TRPM3: variants seen among roughly 807,000 people sequenced by gnomAD.
TRPM3 encodes transient receptor potential cation channel subfamily M member 3, also known as long transient receptor potential channel 3.
TRPM3 carries 77 observed loss-of-function variants against 181.2 expected under a neutral mutation model. The ratio of observed to expected loss-of-function variants is 0.42; its 90% confidence interval spans 0.35 to 0.51. The LOEUF (loss-of-function observed/expected upper bound fraction) is 0.51, where lower values mean the gene tolerates loss of function less well. Ranked by LOEUF, TRPM3 falls within the 20% of genes least tolerant of loss-of-function variation. The pLI, the probability that TRPM3 is intolerant of heterozygous loss-of-function variation, is 0.01. For missense variants in TRPM3, 1,759 were observed against 2,196.7 expected (o/e 0.80, Z 3.98); for synonymous variants, 745 against 796.4 (o/e 0.94, Z 1.09).
At position 70,535,348 on chromosome 9, in the gene TRPM3, T is replaced by G; in HGVS notation, c.*605A>C. ...CAGGTGAACTATGACTGTTACCTTGTTTTTTCTTTATAATGATCAATTACA... is the reference window on the plus strand; with the variant it reads ...CAGGTGAACTATGACTGTTACCTTGGTTTTTCTTTATAATGATCAATTACA... On this transcript the variant is annotated 3_prime_UTR_variant, in exon 26 of 26. Coordinates refer to ENST00000677713, the MANE Select transcript of TRPM3 (RefSeq NM_001366145.2). 1 of 1,482,588 alleles carries G rather than the reference T, an allele frequency of 6.7e-7. No individual in the cohort carries two copies. The highest frequency in any genetic ancestry group is 9.2e-7 in the Non-Finnish European group (1 of 1,087,018). 91.8% of individuals were successfully genotyped at this position (1,482,588 alleles called of 1,614,324 possible). A position where few individuals can be genotyped will look rare whatever the true frequency, so the allele number is the denominator to read the frequency against.
chr9:71,003,055 T>G (rs2134254137), intron 1 of TRPM3, among the ~76,000 whole-genome samples: 1 of 152,306 alleles, frequency 6.6e-6, no homozygotes, highest in East Asian at 1.9e-4. Flanking sequence ...GCTTTTATAT[T>G]TCTCTTTTTC....
chr9:70,972,437 T>C (rs767720969), intron 1 of TRPM3, among the ~76,000 whole-genome samples: 8 of 152,096 alleles, frequency 5.3e-5, no homozygotes, highest in Non-Finnish European at 8.8e-5. Context: ...AATCTAGATA[T>C]AGAAAGTAGA....
intron 8 of TRPM3, among the ~76,000 whole-genome samples, chr9:70,690,751 T>C (rs948537609): frequency 5.3e-5 from 8 of 152,114 alleles, no homozygotes; most frequent in African/African-American, 1.9e-4. Context: ...TACAAGACTC[T>C]TGATAGGGAT....
intron 1 of TRPM3, among the ~76,000 whole-genome samples, chr9:71,156,895 A>C (rs2076032111): frequency 6.6e-6 from 1 of 152,020 alleles, no homozygotes; most frequent in African/African-American, 2.4e-5. Flanking sequence ...TCCTCCTGAC[A>C]ACTATCCTCC....
chr9:70,632,349 C>A (rs914636791), intron 12 of TRPM3, among the ~76,000 whole-genome samples: 2 of 152,156 alleles, frequency 1.3e-5, no homozygotes, highest in Admixed American at 6.5e-5. Context: ...ACAAAACAAA[C>A]AAAAGTCTTC....
At chr9:70,830,899 A>G (rs910820783) in intron 5 of TRPM3, among the ~76,000 whole-genome samples, 4 of 152,222 alleles carry the variant, frequency 2.6e-5, no homozygotes, top group African/African-American at 9.6e-5. Flanking sequence ...TTTACCAACT[A>G]TAAGCCGATT....
intron 1 of TRPM3, among the ~76,000 whole-genome samples, chr9:71,191,277 C>T (rs145751186): frequency 6.6e-6 from 1 of 151,950 alleles, no homozygotes; most frequent in African/African-American, 2.4e-5. Flanking sequence ...AGACACTGTA[C>T]ATTTTTGTTT....
At chr9:70,886,486 C>T (rs1488839381) in intron 1 of TRPM3, among the ~76,000 whole-genome samples, 2 of 152,112 alleles carry the variant, frequency 1.3e-5, no homozygotes, top group Non-Finnish European at 2.9e-5. Flanking sequence ...ACCTTCTAAT[C>T]TTAACCCCGG....
intron 7 of TRPM3, among the ~76,000 whole-genome samples, chr9:70,777,049 T>C (rs1025586586): frequency 6.6e-6 from 1 of 152,146 alleles, no homozygotes; most frequent in African/African-American, 2.4e-5. Flanking sequence ...GTTGTTGTTG[T>C]TGTTAAACAA....
chr9:71,446,872 C>T (rs1724952665), upstream of TRPM3: 1 of 1,492,802 alleles, frequency 6.7e-7, no homozygotes, highest in African/African-American at 1.4e-5. Flanking sequence ...AACAGCCCAG[C>T]GCCGAGCGCT....
At chr9:71,075,809 C>T (rs549780161) in intron 1 of TRPM3, among the ~76,000 whole-genome samples, 1 of 152,108 alleles carries the variant, frequency 6.6e-6, no homozygotes, top group Non-Finnish European at 1.5e-5. Flanking sequence ...TCTTGATGAA[C>T]AGAAATACTG....
At chr9:70,786,496 A>G (rs1008522732) in intron 6 of TRPM3, among the ~76,000 whole-genome samples, 6 of 152,096 alleles carry the variant, frequency 3.9e-5, no homozygotes, top group African/African-American at 1.4e-4. Context: ...AAAAAATAAA[A>G]TAAAAACAAA....
chr9:71,010,902 T>C (rs945279272), intron 1 of TRPM3, among the ~76,000 whole-genome samples: 2 of 144,978 alleles, frequency 1.4e-5, no homozygotes, highest in Non-Finnish European at 3.0e-5. Flanking sequence ...GATGACTTTA[T>C]AAAGAAAATG....
intron 1 of TRPM3, among the ~76,000 whole-genome samples, chr9:71,258,307 C>G (rs572982391): frequency 6.6e-6 from 1 of 152,256 alleles, no homozygotes; most frequent in East Asian, 1.9e-4. Flanking sequence ...GGGACTTGAA[C>G]CCAGGTAGCC....
At chr9:71,262,146 G>A (rs552548846) in intron 1 of TRPM3, among the ~76,000 whole-genome samples, 1 of 152,310 alleles carries the variant, frequency 6.6e-6, no homozygotes, top group South Asian at 2.1e-4. Flanking sequence ...GGAGATGAGA[G>A]TTTTATCTAT....
intron 1 of TRPM3, among the ~76,000 whole-genome samples, chr9:71,348,690 G>A (rs1026522429): frequency 2.0e-5 from 3 of 151,604 alleles, no homozygotes; most frequent in Admixed American, 6.6e-5. Context: ...TCAGCCTCCC[G>A]AGTACCTGGG....
intron 6 of TRPM3, among the ~76,000 whole-genome samples, chr9:70,821,396 A>AT (rs766435518): frequency 2.0e-5 from 3 of 152,184 alleles, no homozygotes; most frequent in South Asian, 4.1e-4. Flanking sequence ...CTATAATAAC[A>AT]TTTTTTAATA....
intron 1 of TRPM3, among the ~76,000 whole-genome samples, chr9:70,930,354 G>A (rs2096763618): frequency 6.6e-6 from 1 of 152,158 alleles, no homozygotes; most frequent in Non-Finnish European, 1.5e-5. Flanking sequence ...AATAATCTAT[G>A]TGTTGGCAAC....
At chr9:70,794,229 G>GA (rs1254565607) in intron 6 of TRPM3, among the ~76,000 whole-genome samples, 18 of 152,058 alleles carry the variant, frequency 1.2e-4, no homozygotes, top group Non-Finnish European at 7.4e-5. Flanking sequence ...TTTACTATAT[G>GA]GGAAGCTACT....
Sources: allele counts gnomAD v4.1 joint callset (sites outside exome capture counted in the v4.1 genomes callset), GRCh38; gene constraint gnomAD v4.1.1; transcripts MANE v1.5; gene names NCBI Gene and HGNC (gene_info 2026-07-23, HGNC 2026-07-21).